The following YES1 variants were observed in gnomAD, a reference collection of about 807,000 sequenced individuals.
The protein encoded by YES1 is tyrosine-protein kinase Yes.
YES1 carries 39 observed loss-of-function variants against 70.4 expected under a neutral mutation model. The observed-to-expected ratio is 0.55, with a 90% CI of 0.43 to 0.72. The LOEUF (loss-of-function observed/expected upper bound fraction) is 0.72. YES1 is among the 30% of genes least tolerant of loss of function. YES1 has a pLI of 0.00. For synonymous variants in YES1, 198 were observed against 218.6 expected, an observed-to-expected ratio of 0.91 and a Z score of 0.83; for missense variants, 495 against 644.8, an observed-to-expected ratio of 0.77 and a Z score of 2.52.
In YES1 at chr18:745,477, C is replaced by A. The variant is rs548192866; in HGVS notation, c.724+231G>T. ...ATGAACTCCAATGTAAATACTATGCCAGTAAGATATAAGGACCCAAATGAT... is the reference window on the plus strand; with the variant it reads ...ATGAACTCCAATGTAAATACTATGCAAGTAAGATATAAGGACCCAAATGAT... On this transcript the variant is annotated intron_variant, in intron 6 of 11. Coordinates refer to ENST00000314574, the MANE Select transcript of YES1 (RefSeq NM_005433.4). Among the ~76,000 whole-genome samples, 4 of 152,186 alleles carry A rather than the reference C, an allele frequency of 2.6e-5. No individual in the cohort carries two copies. In the South Asian group the frequency reaches 8.3e-4, roughly 32 times the overall value.
At chr18:802,736 T>C (rs917436576) in intron 1 of YES1, among the ~76,000 whole-genome samples, 1 of 152,142 alleles carries the variant, frequency 6.6e-6, no homozygotes, top group Non-Finnish European at 1.5e-5. Context: ...TTGTGTGACC[T>C]TAGCAAATTA....
intron 1 of YES1, among the ~76,000 whole-genome samples, chr18:781,200 T>TG (rs1347540388): frequency 6.9e-6 from 1 of 145,056 alleles, no homozygotes; most frequent in Non-Finnish European, 1.5e-5. Context: ...ACCTGGGAGA[T>TG]GGAGGTTGCA....
chr18:728,159 G>A (rs1358467576), intron 11 of YES1, among the ~76,000 whole-genome samples: 7 of 151,884 alleles, frequency 4.6e-5, no homozygotes, highest in South Asian at 4.2e-4. Context: ...AACATGGTGA[G>A]ACCCTGTCTC....
intron 3 of YES1, 139 bp downstream of exon 3, chr18:751,566 A>C: frequency 1.7e-6 from 1 of 603,282 alleles, no homozygotes; most frequent in South Asian, 2.1e-5. Context: ...GCATCTATAG[A>C]AGCCAATGCA....
intron 3 of YES1, among the ~76,000 whole-genome samples, chr18:751,200 G>T (rs1221095686): frequency 1.3e-5 from 2 of 152,044 alleles, no homozygotes; most frequent in African/African-American, 4.8e-5. Context: ...GAAATTATTC[G>T]ATCTACTTTC....
chr18:804,946 T>C (rs1907024464), intron 1 of YES1, among the ~76,000 whole-genome samples: 1 of 129,016 alleles, frequency 7.8e-6, no homozygotes, highest in Non-Finnish European at 1.6e-5. Flanking sequence ...AAACCTAGCA[T>C]AGTAGTATAA....
intron 1 of YES1, among the ~76,000 whole-genome samples, chr18:779,112 TA>T (rs1429804187): frequency 6.6e-6 from 1 of 152,068 alleles, no homozygotes; most frequent in Non-Finnish European, 1.5e-5. Context: ...ATGTAAAGAA[TA>T]TGTAAGGAAT....
At chr18:745,650 T>C (rs2080270815) in intron 6 of YES1, 58 bp downstream of exon 6, 2 of 1,460,350 alleles carry the variant, frequency 1.4e-6, no homozygotes, top group African/African-American at 1.4e-5. Flanking sequence ...GATATGGATT[T>C]TGTCCTCATA....
chr18:724,424 T>C lies in YES1; in HGVS notation c.1632A>G (p.Ter544=). ...EPQYQPGENL[*] is the part of the protein sequence containing the mutation. The stretch of plus-strand genomic sequence containing the variant: ...GTGCATATAAAATAGGCTACTTGAA[T>C]TATAAATTTTCTCCTGGCTGGTACT... The change falls in exon 12 of 12, where the codon TAA becomes TAG. Residue 544 remains the stop codon, a stop_retained_variant. Coordinates refer to ENST00000314574, the MANE Select transcript of YES1 (RefSeq NM_005433.4). The C allele has an allele frequency of 6.2e-7, 1 of 1,613,064 alleles. No individual in the cohort carries two copies. Among genetic ancestry groups the C allele is most frequent in the Non-Finnish European group, 8.5e-7 (1 of 1,179,410 alleles).
chr18:746,564 A>C (rs1409219635), intron 4 of YES1, among the ~76,000 whole-genome samples: 1 of 152,208 alleles, frequency 6.6e-6, no homozygotes, highest in Non-Finnish European at 1.5e-5. Context: ...GAAGAAAGAC[A>C]AAAGGACAAA....
chr18:724,737 G>A, intron 11 of YES1, 105 bp from the exon 12 acceptor site: 1 of 814,114 alleles, frequency 1.2e-6, no homozygotes, highest in Non-Finnish European at 1.9e-6. Flanking sequence ...ATTATTTAGT[G>A]AAACAATTCT....
chr18:725,490 AT>A (rs1358558894), intron 11 of YES1, among the ~76,000 whole-genome samples: 1 of 152,172 alleles, frequency 6.6e-6, no homozygotes, highest in African/African-American at 2.4e-5. Context: ...CTCAAAATAC[AT>A]TTTTTAAACT....
chr18:762,971 G>A (rs1382246148), intron 1 of YES1, among the ~76,000 whole-genome samples: 1 of 152,200 alleles, frequency 6.6e-6, no homozygotes, highest in Non-Finnish European at 1.5e-5. Context: ...TCTGCTTAAA[G>A]CACTTAGGAA....
intron 1 of YES1, among the ~76,000 whole-genome samples, chr18:776,771 A>T (rs1423447307): frequency 6.6e-6 from 1 of 152,162 alleles, no homozygotes; most frequent in East Asian, 1.9e-4. Context: ...AATCCAACCC[A>T]AGGAGGTTCT....
chr18:742,729 A>C (rs2080229991), intron 8 of YES1, among the ~76,000 whole-genome samples, 189 bp downstream of exon 8: 1 of 152,190 alleles, frequency 6.6e-6, no homozygotes, highest in African/African-American at 2.4e-5. Flanking sequence ...TTTTCCTTTT[A>C]AACGTCATAC....
At position 751,742 on chromosome 18, in the gene YES1, A is replaced by G; in HGVS notation, c.334T>C (p.Phe112Leu). The change falls in exon 3 of 12, where the codon TTT becomes CTT. Residue 112 changes from phenylalanine (F) to leucine (L), a missense_variant. Transcript: ENST00000314574. ...YEARTTEDLS[F>L]KKGERFQIIN... The stretch of plus-strand genomic sequence containing the variant: ...ATTTGAAATCTTTCACCCTTCTTAA[A>G]TGAAAGGTCTTCTGTAGTTCTAGCT... 6 of 1,602,764 alleles carry G rather than the reference A, an allele frequency of 3.7e-6. No individual in the cohort carries two copies. The highest frequency in any genetic ancestry group is 4.3e-6 in the Non-Finnish European group (5 of 1,170,764).
At chr18:765,025 C>T (rs773774276) in intron 1 of YES1, among the ~76,000 whole-genome samples, 10 of 151,842 alleles carry the variant, frequency 6.6e-5, no homozygotes, top group Non-Finnish European at 1.0e-4. Flanking sequence ...TGAGCCACCT[C>T]GCCCGGCTTA....
intron 1 of YES1, among the ~76,000 whole-genome samples, chr18:762,093 G>A (rs924516592): frequency 1.3e-5 from 2 of 152,180 alleles, no homozygotes; most frequent in African/African-American, 2.4e-5. Flanking sequence ...GGCCAGGGTG[G>A]GCGGATCACC....
In YES1 at chr18:724,253, G is replaced by A; in HGVS notation, c.*171C>T. On this transcript the variant is annotated 3_prime_UTR_variant, in exon 12 of 12. Transcript: ENST00000314574. ...ATAAATTCATCATTGGTACATTAGAGTTTAATACTTGGGGAAAAAAAAGTG... is the reference window on the plus strand; with the variant it reads ...ATAAATTCATCATTGGTACATTAGAATTTAATACTTGGGGAAAAAAAAGTG... 3.2e-6 allele frequency: 2 copies of A among 631,140 alleles called. No individual in the cohort carries two copies. Among genetic ancestry groups the A allele is most frequent in the Non-Finnish European group, 5.5e-6 (2 of 366,064 alleles). The allele number at this position is 631,140 out of a possible 1,614,324, so 39.1% of individuals were successfully genotyped here.
Sources: gnomAD v4.1 joint callset for allele counts (sites outside exome capture counted in the v4.1 genomes callset) on GRCh38, gnomAD v4.1.1 for gene constraint, MANE v1.5 for transcripts, NCBI Gene and HGNC (gene_info 2026-07-23, HGNC 2026-07-21) for gene names.